Variants in ANK3 observed in about 807,000 individuals in gnomAD.
ANK3 encodes ankyrin 3.
ANK3 carries 57 observed loss-of-function variants against 370.9 expected under a neutral mutation model. That is an observed-to-expected ratio of 0.15 (90% CI 0.12 to 0.19). The LOEUF (loss-of-function observed/expected upper bound fraction) is 0.19. ANK3 is among the 10% of genes least tolerant of loss of function. The probability of loss-of-function intolerance (pLI) is 1.00; values close to 1 mark genes in which losing one functional copy is unlikely to be tolerated. For synonymous variants in ANK3, 1,929 were observed against 1,946.3 expected, an observed-to-expected ratio of 0.99 and a Z score of 0.23; for missense variants, 4,439 against 5,302.1, an observed-to-expected ratio of 0.84 and a Z score of 5.06.
At chr10:60,083,662 TAAA>T (rs1228439893) in intron 32 of ANK3, 45 bp from the exon 33 acceptor site, 1 of 1,493,600 alleles carries the variant, frequency 6.7e-7, no homozygotes. Context: ...AATCTGAGTT[TAAA>T]ATATTTTGAG....
intron 2 of ANK3, among the ~76,000 whole-genome samples, chr10:60,532,890 G>A (rs1169141700): frequency 2.0e-5 from 3 of 152,062 alleles, no homozygotes; most frequent in African/African-American, 2.4e-5. Flanking sequence ...ACAACCTGGC[G>A]AGGGTAATTC....
At chr10:60,316,833 C>T (rs531012056) in intron 1 of ANK3, among the ~76,000 whole-genome samples, 6 of 151,860 alleles carry the variant, frequency 4.0e-5, no homozygotes, top group East Asian at 2.0e-4. Context: ...CTGCAAGCTC[C>T]GCCTCCCAGG....
At chr10:60,260,179 G>C (rs2097784195) in intron 7 of ANK3, among the ~76,000 whole-genome samples, 1 of 152,176 alleles carries the variant, frequency 6.6e-6, no homozygotes, top group South Asian at 2.1e-4. Context: ...GTGGTTAAGA[G>C]CTTTGGGGCT....
chr10:60,266,282 A>T (rs1216523813), intron 5 of ANK3, among the ~76,000 whole-genome samples: 1 of 152,188 alleles, frequency 6.6e-6, no homozygotes, highest in African/African-American at 2.4e-5. Flanking sequence ...AGGTACATAC[A>T]TGTATCTAAT....
chr10:60,409,851 G>A (rs760467534), intron 2 of ANK3, among the ~76,000 whole-genome samples: 4 of 152,076 alleles, frequency 2.6e-5, no homozygotes, highest in Non-Finnish European at 5.9e-5. Context: ...TGCCTCCCAC[G>A]AGTCTACCAG....
intron 2 of ANK3, chr10:60,572,612 T>C (rs1291768188): frequency 4.0e-6 from 6 of 1,511,406 alleles, no homozygotes; most frequent in African/African-American, 2.8e-5. Flanking sequence ...AGTCAAAGCA[T>C]TGAGACCAAA....
chr10:60,410,548 C>T (rs756526913), intron 2 of ANK3, among the ~76,000 whole-genome samples: 6 of 152,082 alleles, frequency 3.9e-5, no homozygotes, highest in Admixed American at 6.6e-5. Flanking sequence ...CAGAGACTGG[C>T]TAGATATTTT....
chr10:60,689,234 T>C (rs1361772803), intron 1 of ANK3, among the ~76,000 whole-genome samples: 1 of 152,004 alleles, frequency 6.6e-6, no homozygotes, highest in Non-Finnish European at 1.5e-5. Flanking sequence ...ACTGTAACTC[T>C]ACAAACAATA....
intron 28 of ANK3, among the ~76,000 whole-genome samples, chr10:60,095,901 C>T (rs1373893869): frequency 2.0e-5 from 3 of 152,164 alleles, no homozygotes; most frequent in African/African-American, 7.2e-5. Flanking sequence ...AGGCCGGGTA[C>T]AGTGGCTCAT....
At chr10:60,549,140 TACAC>T (rs3047236) in intron 2 of ANK3, among the ~76,000 whole-genome samples, 21,283 of 145,274 alleles carry the variant, frequency 0.15, 1,888 homozygotes, top group South Asian at 0.32. Flanking sequence ...GCATGTTTCA[TACAC>T]ACACACACAC....
intron 4 of ANK3, among the ~76,000 whole-genome samples, chr10:60,274,035 G>A (rs80101495): frequency 0.088 from 13,356 of 152,178 alleles, 791 homozygotes; most frequent in South Asian, 0.17. Flanking sequence ...GTGTGTAGTC[G>A]TGTGATTATA....
chr10:60,180,626 C>CAAAAAAAAAAAAACAAT, intron 18 of ANK3, among the ~76,000 whole-genome samples: 1 of 119,284 alleles, frequency 8.4e-6, no homozygotes, highest in Non-Finnish European at 1.7e-5. Context: ...AAAAAAAAAA[C>CAAAAAAAAAAAAACAAT]ATGTTAGAGT....
chr10:60,509,289 C>A (rs1224660268), intron 2 of ANK3, among the ~76,000 whole-genome samples: 1 of 152,012 alleles, frequency 6.6e-6, no homozygotes, highest in Non-Finnish European at 1.5e-5. Context: ...AACTCTAGCA[C>A]AACTAGTATG....
chr10:60,152,506 G>A (rs2095175917), intron 23 of ANK3, among the ~76,000 whole-genome samples: 4 of 152,088 alleles, frequency 2.6e-5, no homozygotes, highest in Admixed American at 6.5e-5. Flanking sequence ...ATAAGTGAAA[G>A]GAGAATGGAA....
chr10:60,284,352 T>C (rs956654235), intron 1 of ANK3, among the ~76,000 whole-genome samples: 6 of 152,146 alleles, frequency 3.9e-5, no homozygotes, highest in Non-Finnish European at 1.5e-5. Context: ...TGGTTTACTA[T>C]GTCAGCCCTA....
rs1271890997 is a variant in ANK3 at position 60,102,457 on chromosome 10, G to A, written c.3328+3448C>T. Among the ~76,000 whole-genome samples the A allele has an allele frequency of 2.0e-5, 3 of 152,142 alleles. No homozygotes were observed. The East Asian group carries it at 5.8e-4, about 29-fold the overall frequency. ...ATTTAAACCAAGGCTCAGAGATTGAGTGCTTCATTACGGTCACACAACGAG... is the reference window on the plus strand; with the variant it reads ...ATTTAAACCAAGGCTCAGAGATTGAATGCTTCATTACGGTCACACAACGAG... On this transcript the variant is annotated intron_variant, in intron 28 of 43. Transcript: ENST00000280772.
intron 1 of ANK3, among the ~76,000 whole-genome samples, chr10:60,299,219 A>G (rs993089318): frequency 6.6e-5 from 10 of 152,200 alleles, no homozygotes; most frequent in African/African-American, 2.4e-4. Context: ...ATATTGCCAC[A>G]TTCCATAAAG....
Position 60,074,779 on chromosome 10 carries a change from A to T in ANK3, c.6102T>A (p.Ile2034=). Residue 2034 remains isoleucine, a synonymous_variant, in exon 37 of 44, where the codon ATT becomes ATA. Transcript: ENST00000280772. The stretch of plus-strand genomic sequence containing the variant: ...TCCCAATATCATTTGTTAGGTAATC[A>T]ATAACTTTGGTCAAGTTATAATCCT... ...SEKDYNLTKV[I]DYLTNDIGSS... 1 of 1,614,110 alleles carries T rather than the reference A, an allele frequency of 6.2e-7. No homozygotes were observed. The highest frequency in any genetic ancestry group is 1.3e-5 in the African/African-American group (1 of 75,044).
In ANK3 at chr10:60,572,569, G is replaced by A. The variant is rs757602344; in HGVS notation, c.96+42617C>T. ...GTGAGTTTATAAAAGACAGATCACC[G>A]CCGGTATTCCAACATCCAAAACCAC... On this transcript the variant is annotated intron_variant, in intron 2 of 43. Transcript: ENST00000373827. The A allele has an allele frequency of 4.6e-6, 7 of 1,529,184 alleles. No homozygotes were observed. In the South Asian group the frequency reaches 4.8e-5, roughly 11 times the overall value. 94.7% of individuals were successfully genotyped at this position (1,529,184 alleles called of 1,614,324 possible). A position where few individuals can be genotyped will look rare whatever the true frequency, so the allele number is the denominator to read the frequency against.
Sources: allele counts gnomAD v4.1 joint callset (sites outside exome capture counted in the v4.1 genomes callset), GRCh38; gene constraint gnomAD v4.1.1; transcripts MANE v1.5; gene names NCBI Gene and HGNC (gene_info 2026-07-23, HGNC 2026-07-21).